Variants in MPZL3 observed in about 807,000 individuals in gnomAD.
MPZL3 encodes the protein myelin protein zero like 3.
A neutral mutation model predicts 24.8 loss-of-function variants in MPZL3; 23 were observed. The observed-to-expected ratio is 0.93, with a 90% CI of 0.67 to 1.31. The LOEUF (loss-of-function observed/expected upper bound fraction) is 1.31. Ranked by LOEUF, MPZL3 falls within the 40% of genes most tolerant of loss-of-function variation. The pLI is 0.00. For synonymous variants in MPZL3, 99 were observed against 106.5 expected (o/e 0.93, Z 0.44); for missense variants, 277 against 294.9 (o/e 0.94, Z 0.44).
intron 1 of MPZL3, among the ~76,000 whole-genome samples, chr11:118,249,272 C>T (rs1410261299): frequency 1.3e-5 from 2 of 152,142 alleles, no homozygotes; most frequent in Non-Finnish European, 2.9e-5. Context: ...GTGCTAGTTA[C>T]CCATGTGTGT....
intron 3 of MPZL3, among the ~76,000 whole-genome samples, chr11:118,236,122 G>C (rs1348442405): frequency 6.6e-6 from 1 of 151,982 alleles, no homozygotes; most frequent in South Asian, 2.1e-4. Context: ...ATTTACAATG[G>C]AATTACTAGA....
At chr11:118,239,931 G>T (rs1949472158) in intron 2 of MPZL3, among the ~76,000 whole-genome samples, 13 of 152,150 alleles carry the variant, frequency 8.5e-5, no homozygotes, top group Admixed American at 8.5e-4. Context: ...ATGAAGCTAT[G>T]AAATAATGCA....
chr11:118,240,013 G>A (rs1949472761), intron 2 of MPZL3, among the ~76,000 whole-genome samples, 198 bp downstream of exon 2: 1 of 152,168 alleles, frequency 6.6e-6, no homozygotes, highest in Non-Finnish European at 1.5e-5. Flanking sequence ...TTTTCCTGCA[G>A]CTTATTTACA....
intron 1 of MPZL3, among the ~76,000 whole-genome samples, chr11:118,246,745 T>A (rs1251072502): frequency 6.6e-6 from 1 of 151,886 alleles, no homozygotes; most frequent in Admixed American, 6.6e-5. Context: ...CCACCACACC[T>A]GGCTAATTTT....
intron 2 of MPZL3, among the ~76,000 whole-genome samples, chr11:118,237,856 G>T (rs1271585509): frequency 6.6e-6 from 1 of 152,156 alleles, no homozygotes; most frequent in Non-Finnish European, 1.5e-5. Flanking sequence ...AGGGAAACAG[G>T]CTGGTCATGG....
intron 1 of MPZL3, among the ~76,000 whole-genome samples, chr11:118,250,118 C>T (rs572334624): frequency 2.6e-5 from 4 of 151,640 alleles, no homozygotes; most frequent in Admixed American, 6.6e-5. Flanking sequence ...TCTTCTGCCT[C>T]AGCCTCTCAA....
intron 2 of MPZL3, among the ~76,000 whole-genome samples, chr11:118,239,297 CA>C (rs919831123): frequency 3.3e-5 from 5 of 152,204 alleles, no homozygotes; most frequent in Non-Finnish European, 5.9e-5. Context: ...TAGCTTCTTT[CA>C]CTGGAGTCCC....
chr11:118,236,810 A>T lies in MPZL3; in HGVS notation c.451+240T>A, dbSNP rs113140500. Among the ~76,000 whole-genome samples, 556 of 152,288 alleles carry T rather than the reference A, an allele frequency of 3.7e-3. 6 individuals are homozygous for T. The highest frequency in any genetic ancestry group is 0.012 in the African/African-American group (513 of 41,556). ...ACTTTGGTCACCTAAAGTTAAAATT[A>T]AAAAAAGGGTAATGGAGAAACTATG... On this transcript the variant is annotated intron_variant, in intron 3 of 5. Transcript: ENST00000278949.
chr11:118,251,951 C>T (rs1949623597), intron 1 of MPZL3, among the ~76,000 whole-genome samples: 1 of 152,206 alleles, frequency 6.6e-6, no homozygotes, highest in Non-Finnish European at 1.5e-5. Flanking sequence ...AGCCAGAGCT[C>T]TTTGTGGTTC....
intron 3 of MPZL3, 141 bp from the exon 4 acceptor site, chr11:118,235,730 C>A (rs376684111): frequency 5.1e-5 from 45 of 875,062 alleles, no homozygotes; most frequent in Non-Finnish European, 6.7e-5. Flanking sequence ...GTAGAAAATA[C>A]ACAAAAGTAC....
intron 5 of MPZL3, among the ~76,000 whole-genome samples, chr11:118,232,319 G>T (rs1341509729): frequency 6.6e-6 from 1 of 151,754 alleles, no homozygotes; most frequent in East Asian, 1.9e-4. Context: ...CCCCCATCCA[G>T]CCATCCCATC....
At chr11:118,245,425 G>A (rs1591497667) in intron 1 of MPZL3, among the ~76,000 whole-genome samples, 1 of 152,194 alleles carries the variant, frequency 6.6e-6, no homozygotes, top group Admixed American at 6.5e-5. Flanking sequence ...AAGAAAGAAG[G>A]GAAGTTTGAA....
At chr11:118,252,171 C>G (rs776638965) in intron 1 of MPZL3, 51 bp downstream of exon 1, 1 of 1,597,578 alleles carries the variant, frequency 6.3e-7, no homozygotes, top group Non-Finnish European at 8.6e-7. Flanking sequence ...AAGCGACCAT[C>G]TTCCCTAACC....
intron 3 of MPZL3, among the ~76,000 whole-genome samples, chr11:118,236,657 C>T (rs1472784788): frequency 6.6e-6 from 1 of 152,134 alleles, no homozygotes; most frequent in Admixed American, 6.5e-5. Flanking sequence ...GGTACCCTTT[C>T]AAGACACAGG....
intron 5 of MPZL3, among the ~76,000 whole-genome samples, chr11:118,230,995 C>A (rs1192115605): frequency 6.6e-6 from 1 of 152,190 alleles, no homozygotes; most frequent in East Asian, 1.9e-4. Context: ...AGAAAAGCCA[C>A]CAGTGACATT....
chr11:118,236,872 A>C (rs1949432025), intron 3 of MPZL3, among the ~76,000 whole-genome samples, 178 bp downstream of exon 3: 2 of 152,242 alleles, frequency 1.3e-5, no homozygotes, highest in African/African-American at 4.8e-5. Flanking sequence ...TTCAAAATAA[A>C]GATTAAAAAT....
intron 2 of MPZL3, 109 bp from the exon 3 acceptor site, chr11:118,237,369 T>C: frequency 1.0e-6 from 1 of 967,892 alleles, no homozygotes; most frequent in Non-Finnish European, 1.6e-6. Flanking sequence ...GTGTTTTTTT[T>C]CAGTTGGGCA....
chr11:118,232,948 T>A (rs1949372558), intron 5 of MPZL3, among the ~76,000 whole-genome samples: 1 of 152,162 alleles, frequency 6.6e-6, no homozygotes, highest in South Asian at 2.1e-4. Flanking sequence ...GATTCTGTCA[T>A]TAGTCACAGT....
intron 3 of MPZL3, among the ~76,000 whole-genome samples, chr11:118,236,171 C>T (rs1160237918): frequency 2.0e-5 from 3 of 152,100 alleles, no homozygotes; most frequent in Admixed American, 6.6e-5. Flanking sequence ...ATTCATACTA[C>T]CAAACTGCCT....
Sources: gnomAD v4.1 joint callset for allele counts (sites outside exome capture counted in the v4.1 genomes callset) on GRCh38, gnomAD v4.1.1 for gene constraint, MANE v1.5 for transcripts, NCBI Gene and HGNC (gene_info 2026-07-23, HGNC 2026-07-21) for gene names.